The following ANKRD30BL variants were observed in gnomAD, a reference collection of about 807,000 sequenced individuals.
ANKRD30BL encodes ankyrin repeat domain 30B like.
In ANKRD30BL, 20 loss-of-function variants were observed where a neutral mutation model predicts 18.4. The ratio of observed to expected loss-of-function variants is 1.09; its 90% CI spans 0.77 to 1.58. The LOEUF is 1.58. Ranked by LOEUF, ANKRD30BL falls within the 40% of genes most tolerant of loss-of-function variation. ANKRD30BL has a pLI of 0.00. For synonymous variants in ANKRD30BL, 72 were observed against 100.9 expected (o/e 0.71, Z 1.72); for missense variants, 224 against 268.6 (o/e 0.83, Z 1.16).
chr2:132,183,007 A>C lies in ANKRD30BL; in HGVS notation n.442-25861T>G, dbSNP rs1688499108. Among the ~76,000 whole-genome samples, 7 of 152,146 alleles carry C rather than the reference A, an allele frequency of 4.6e-5. No homozygotes were observed. In the South Asian group the frequency reaches 1.4e-3, roughly 31 times the overall value. On this transcript the variant is annotated intron_variant and non_coding_transcript_variant, in intron 1 of 4. Transcript: ENST00000470729. Reference sequence around the variant, plus strand: ...GAAAAATATATATAAAATAAAAAATAACGATGTTGGATAATATCATAAATG... The same window carrying C: ...GAAAAATATATATAAAATAAAAAATCACGATGTTGGATAATATCATAAATG...
chr2:132,206,189 G>T (rs879538097), intron 1 of ANKRD30BL, among the ~76,000 whole-genome samples: 7 of 151,914 alleles, frequency 4.6e-5, no homozygotes, highest in Non-Finnish European at 1.0e-4. Context: ...AGAAAGAAAA[G>T]AAGGACGGAA....
chr2:132,256,787 T>C (rs76167383), intron 1 of ANKRD30BL, among the ~76,000 whole-genome samples: 1 of 151,910 alleles, frequency 6.6e-6, no homozygotes, highest in Admixed American at 6.5e-5. Flanking sequence ...AACCAGTGGC[T>C]AGCGGCGGCG....
At position 132,188,730 on chromosome 2, in the gene ANKRD30BL, AC is replaced by A. The variant is rs113484010; in HGVS notation, n.442-31585del. Among the ~76,000 whole-genome samples the A allele has an allele frequency of 9.0e-3, 1,371 of 152,180 alleles. 26 individuals are homozygous for A. Among genetic ancestry groups the A allele is most frequent in the African/African-American group, 0.03 (1,250 of 41,480 alleles). ...GTCTCAGAAAACAACAACAACAACAACAACAACAAATTAACACCTTGCTTAT... is the reference window on the plus strand; with the variant it reads ...GTCTCAGAAAACAACAACAACAACAAAACAACAAATTAACACCTTGCTTAT... On this transcript the variant is annotated intron_variant and non_coding_transcript_variant, in intron 1 of 4. Transcript: ENST00000470729.
intron 1 of ANKRD30BL, among the ~76,000 whole-genome samples, chr2:132,205,206 A>G (rs563110111): frequency 6.6e-6 from 1 of 152,314 alleles, no homozygotes; most frequent in East Asian, 1.9e-4. Context: ...TTTCAGGAAA[A>G]CTATTGTCAA....
chr2:132,239,148 G>T (rs1680242295), intron 1 of ANKRD30BL, among the ~76,000 whole-genome samples: 2 of 152,096 alleles, frequency 1.3e-5, no homozygotes, highest in African/African-American at 4.8e-5. Context: ...AAACTAGAGA[G>T]AAGCATTCTC....
chr2:132,221,847 C>T (rs1411306712), intron 1 of ANKRD30BL, among the ~76,000 whole-genome samples: 7 of 123,870 alleles, frequency 5.7e-5, no homozygotes, highest in South Asian at 5.1e-4. Context: ...CCCGGCCAGC[C>T]GCCCCGTCCG....
intron 4 of ANKRD30BL, among the ~76,000 whole-genome samples, chr2:132,151,806 A>C (rs1687765028): frequency 6.6e-6 from 1 of 152,168 alleles, no homozygotes; most frequent in Non-Finnish European, 1.5e-5. Flanking sequence ...AAATCAGATA[A>C]CCAAATTATA....
At chr2:132,167,822 C>T (rs1249764231) in intron 1 of ANKRD30BL, among the ~76,000 whole-genome samples, 3 of 152,158 alleles carry the variant, frequency 2.0e-5, no homozygotes, top group Non-Finnish European at 1.5e-5. Context: ...AAAATTGTTA[C>T]TTCACACGTA....
chr2:132,198,291 TC>T (rs2104744364), intron 1 of ANKRD30BL, among the ~76,000 whole-genome samples: 511 of 14,950 alleles, frequency 0.034, 25 homozygotes, highest in African/African-American at 0.061. Flanking sequence ...TTTCTTTCTT[TC>T]TTTCTTTCTT....
chr2:132,242,181 T>C (rs540531938), intron 1 of ANKRD30BL, among the ~76,000 whole-genome samples: 15 of 151,638 alleles, frequency 9.9e-5, no homozygotes, highest in African/African-American at 3.1e-4. Flanking sequence ...GAGGATTTCG[T>C]TGGAAACGGG....
chr2:132,209,930 C>G (rs79193345), intron 1 of ANKRD30BL, among the ~76,000 whole-genome samples: 1 of 151,476 alleles, frequency 6.6e-6, no homozygotes, highest in African/African-American at 2.4e-5. Flanking sequence ...AGAGTTGAAA[C>G]TTTGTTTTGA....
At chr2:132,149,532 A>G (rs186742115) in intron 5 of ANKRD30BL, among the ~76,000 whole-genome samples, 2 of 152,334 alleles carry the variant, frequency 1.3e-5, no homozygotes, top group Non-Finnish European at 2.9e-5. Context: ...TTGAAAAATA[A>G]TCTCCTACTG....
chr2:132,257,292 C>T (rs550031477), intron 1 of ANKRD30BL, among the ~76,000 whole-genome samples: 1 of 152,342 alleles, frequency 6.6e-6, no homozygotes, highest in East Asian at 1.9e-4. Context: ...CGGCACCGGT[C>T]GCTGCTCTGC....
At chr2:132,220,407 A>C (rs926154477) in intron 1 of ANKRD30BL, among the ~76,000 whole-genome samples, 3 of 148,350 alleles carry the variant, frequency 2.0e-5, no homozygotes, top group Non-Finnish European at 3.0e-5. Flanking sequence ...TCTCCCTCTG[A>C]TGCCGAGCCA....
intron 5 of ANKRD30BL, among the ~76,000 whole-genome samples, chr2:132,148,493 C>T (rs1023686445): frequency 7.3e-5 from 11 of 150,974 alleles, no homozygotes; most frequent in African/African-American, 2.7e-4. Flanking sequence ...CCTCAGCCTC[C>T]CATGTAGCTG....
intron 1 of ANKRD30BL, among the ~76,000 whole-genome samples, chr2:132,177,774 A>G (rs777325325): frequency 6.6e-5 from 10 of 152,232 alleles, no homozygotes; most frequent in Non-Finnish European, 1.0e-4. Flanking sequence ...AGACAAAAAG[A>G]ACAAGTTTAT....
At chr2:132,249,843 T>C (rs1680603929) in intron 1 of ANKRD30BL, among the ~76,000 whole-genome samples, 1 of 152,102 alleles carries the variant, frequency 6.6e-6, no homozygotes, top group Non-Finnish European at 1.5e-5. Flanking sequence ...GGCCTCAAAC[T>C]GCTCACAAAT....
intron 1 of ANKRD30BL, among the ~76,000 whole-genome samples, chr2:132,175,114 A>G (rs1688339075): frequency 6.6e-6 from 1 of 152,198 alleles, no homozygotes; most frequent in Non-Finnish European, 1.5e-5. Context: ...GTCAAAGTAT[A>G]GAGAAAGAAA....
At chr2:132,249,061 GT>G (rs1680579802) in intron 1 of ANKRD30BL, among the ~76,000 whole-genome samples, 2 of 150,422 alleles carry the variant, frequency 1.3e-5, no homozygotes, top group African/African-American at 2.4e-5. Context: ...GTTTACCTCT[GT>G]GAGATGAATG....
Sources: gnomAD v4.1 joint callset for allele counts (sites outside exome capture counted in the v4.1 genomes callset) on GRCh38, gnomAD v4.1.1 for gene constraint, MANE v1.5 for transcripts, NCBI Gene and HGNC (gene_info 2026-07-23, HGNC 2026-07-21) for gene names.